Variants in SATB1 observed in about 807,000 individuals in gnomAD.
The protein encoded by SATB1 is SATB homeobox 1.
SATB1 carries 11 observed loss-of-function variants against 86.9 expected under a neutral mutation model. The ratio of observed to expected loss-of-function variants is 0.13; its 90% CI spans 0.08 to 0.21. The LOEUF (loss-of-function observed/expected upper bound fraction) is 0.21, where lower values mean the gene tolerates loss of function less well. Ranked by LOEUF, SATB1 falls within the 10% of genes least tolerant of loss-of-function variation. The probability of loss-of-function intolerance (pLI) is 1.00; values close to 1 mark genes in which losing one functional copy is unlikely to be tolerated. For missense variants in SATB1, 551 were observed against 937.6 expected (o/e 0.59, Z 5.39); for synonymous variants, 357 against 357.2 (o/e 1.00, Z 0.01).
intron 5 of SATB1, among the ~76,000 whole-genome samples, chr3:18,405,296 C>T (rs1697465765): frequency 6.6e-6 from 1 of 151,912 alleles, no homozygotes; most frequent in Non-Finnish European, 1.5e-5. Flanking sequence ...ATCTCTTTCT[C>T]TGATGCCCTT....
chr3:18,370,515 CAA>C (rs11391230), intron 9 of SATB1, among the ~76,000 whole-genome samples: 21 of 49,446 alleles, frequency 4.2e-4, no homozygotes, highest in African/African-American at 1.5e-3. Flanking sequence ...CTGAGAGAGG[CAA>C]AAAAAAAAAA....
Position 18,394,184 on chromosome 3 carries a change from G to A in SATB1, c.1206+278C>T, listed in dbSNP as rs1238571435. On this transcript the variant is annotated intron_variant, in intron 7 of 10. Transcript: ENST00000338745. The surrounding 1 kb of genome is among the most constrained non-coding windows in gnomAD (Gnocchi z 5.9). ...TAGCTTATGATTCCATTATATAAAA[G>A]CATAAGTAATGCCAGTTTAAAGTAC... 6.6e-6 allele frequency among the ~76,000 whole-genome samples: 1 copy of A among 152,176 alleles called. No homozygotes were observed. Among genetic ancestry groups the A allele is most frequent in the East Asian group, 1.9e-4 (1 of 5,198 alleles).
chr3:18,392,474 T>C (rs9310562), intron 7 of SATB1, among the ~76,000 whole-genome samples: 51,567 of 151,872 alleles, frequency 0.34, 9,493 homozygotes, highest in Admixed American at 0.46. Flanking sequence ...TTCTTCACTA[T>C]ATAAAGGACA....
At chr3:18,407,645 C>G (rs150696046) in intron 5 of SATB1, among the ~76,000 whole-genome samples, 84 of 152,114 alleles carry the variant, frequency 5.5e-4, no homozygotes, top group Non-Finnish European at 4.4e-5. Context: ...TGCCCAAGCT[C>G]ATATAGCTGG....
At chr3:18,414,488 C>T (rs1205477676) in intron 5 of SATB1, among the ~76,000 whole-genome samples, 1 of 151,728 alleles carries the variant, frequency 6.6e-6, no homozygotes, top group African/African-American at 2.4e-5. Flanking sequence ...GATGGTATAA[C>T]AGGCATCTCA....
intron 5 of SATB1, among the ~76,000 whole-genome samples, chr3:18,410,085 C>T (rs1436469175): frequency 6.6e-6 from 1 of 151,992 alleles, no homozygotes; most frequent in African/African-American, 2.4e-5. Context: ...CAAGTTATCC[C>T]AAAAGTCAGT....
upstream of SATB1, among the ~76,000 whole-genome samples, chr3:18,439,404 T>A (rs1003287608): frequency 1.3e-5 from 2 of 152,214 alleles, no homozygotes; most frequent in African/African-American, 4.8e-5. Flanking sequence ...AATCTGTATC[T>A]ATTTACTCTG....
At chr3:18,390,763 G>A (rs866539240) in intron 7 of SATB1, among the ~76,000 whole-genome samples, 1 of 151,842 alleles carries the variant, frequency 6.6e-6, no homozygotes, top group Non-Finnish European at 1.5e-5. Flanking sequence ...AAGAGGAGGG[G>A]GAAGAAAAAG....
chr3:18,410,075 C>A (rs1401430281), intron 5 of SATB1, among the ~76,000 whole-genome samples: 1 of 151,988 alleles, frequency 6.6e-6, no homozygotes, highest in Non-Finnish European at 1.5e-5. Flanking sequence ...TCCCAAATAC[C>A]AAGTTATCCC....
At chr3:18,393,058 G>T (rs1244534298) in intron 7 of SATB1, among the ~76,000 whole-genome samples, 1 of 151,600 alleles carries the variant, frequency 6.6e-6, no homozygotes. Flanking sequence ...TCTAGTTAAG[G>T]CACGCCAAAA....
At chr3:18,396,132 A>G (rs1241641578) in intron 6 of SATB1, among the ~76,000 whole-genome samples, 1 of 152,226 alleles carries the variant, frequency 6.6e-6, no homozygotes, top group Non-Finnish European at 1.5e-5. Flanking sequence ...CACAGAGAAC[A>G]GTAATTCAAG....
intron 10 of SATB1, chr3:18,350,669 G>A (rs1300233857): frequency 2.0e-5 from 3 of 152,002 alleles, no homozygotes; most frequent in Admixed American, 6.5e-5. Flanking sequence ...AACATATATC[G>A]TTCTCTTTTT....
In SATB1 at chr3:18,394,044, T is replaced by A. The variant is rs1696828267; in HGVS notation, c.1206+418A>T. ...AGAACTTTAAGAGGGAACATTTATA[T>A]ACCTAAGTTTGATATGGGTAGTAAC... On this transcript the variant is annotated intron_variant, in intron 7 of 10. Transcript: ENST00000338745. This position sits in a 1 kb window ranked among gnomAD's most constrained non-coding sequence, Gnocchi z 5.9. 6.6e-6 allele frequency among the ~76,000 whole-genome samples: 1 copy of A among 152,228 alleles called. No individual in the cohort carries two copies. The highest frequency in any genetic ancestry group is 2.4e-5 in the African/African-American group (1 of 41,460).
chr3:18,349,485 G>A lies in SATB1; in HGVS notation c.1977C>T (p.Leu659=), dbSNP rs1293276385. ...GGCCCACGTCTTGTATGAAACTCTG[G>A]AGGATTCCCAAGGCTTCCACTGAAA... ...TKISVEALGI[L]QSFIQDVGLY... is the part of the protein sequence containing the mutation. Residue 659 remains leucine, a synonymous_variant, in exon 11 of 11, where the codon CTC becomes CTT. Coordinates refer to ENST00000338745, the MANE Select transcript of SATB1 (RefSeq NM_002971.6). The surrounding 1 kb of genome is among the most constrained non-coding windows in gnomAD (Gnocchi z 5.5). 8.7e-6 allele frequency: 14 copies of A among 1,614,174 alleles called. No homozygotes were observed. Among genetic ancestry groups the A allele is most frequent in the Admixed American group, 1.7e-5 (1 of 60,024 alleles).
At chr3:18,420,697 G>A (rs1386080729) in intron 2 of SATB1, 60 bp downstream of exon 2, 1 of 1,364,188 alleles carries the variant, frequency 7.3e-7, no homozygotes, top group Non-Finnish European at 1.0e-6. Flanking sequence ...CCCACACAGT[G>A]TGGCCTTGTG....
rs1246595164 is a variant in SATB1 at position 18,444,677 on chromosome 3, G to C, written c.-25+841C>G. 12 of 983,836 alleles carry C rather than the reference G, an allele frequency of 1.2e-5. No homozygotes were observed. Among genetic ancestry groups the C allele is most frequent in the South Asian group, 4.7e-5 (1 of 21,270 alleles). The allele number at this position is 983,836 out of a possible 1,614,324, so 60.9% of individuals were successfully genotyped here. On this transcript the variant is annotated intron_variant, in intron 1 of 3. Transcript: ENST00000415069. The surrounding 1 kb of genome is among the most constrained non-coding windows in gnomAD (Gnocchi z 5.1). The stretch of plus-strand genomic sequence containing the variant: ...TGAAACCAAGAACGGCTCCCCGGGC[G>C]GGCGCGCCGGCGTCGGACTTCCGAG...
At chr3:18,420,343 C>T (rs1216337353) in intron 2 of SATB1, among the ~76,000 whole-genome samples, 1 of 152,144 alleles carries the variant, frequency 6.6e-6, no homozygotes, top group African/African-American at 2.4e-5. Flanking sequence ...TGTCCAAGAT[C>T]TCTGAAACTG....
At chr3:18,439,767 C>T (rs1282369657), upstream of SATB1, among the ~76,000 whole-genome samples, 1 of 152,040 alleles carries the variant, frequency 6.6e-6, no homozygotes, top group Non-Finnish European at 1.5e-5. Flanking sequence ...TGAAAATAAG[C>T]CTTTTCTCAA....
intron 5 of SATB1, among the ~76,000 whole-genome samples, chr3:18,413,432 GAC>G (rs1199315699): frequency 2.1e-4 from 32 of 152,144 alleles, no homozygotes; most frequent in Admixed American, 1.8e-3. Flanking sequence ...GTAACATAAA[GAC>G]ACATGCGATT....
Sources: gnomAD v4.1 joint callset for allele counts (sites outside exome capture counted in the v4.1 genomes callset) on GRCh38, gnomAD v4.1.1 for gene constraint, Gnocchi (gnomAD v3.1) non-coding constraint, MANE v1.5 for transcripts, NCBI Gene and HGNC (gene_info 2026-07-23, HGNC 2026-07-21) for gene names.